The following MTA3 variants were observed in gnomAD, a reference collection of about 807,000 sequenced individuals.
MTA3 encodes metastasis-associated protein MTA3.
A neutral mutation model predicts 83.5 loss-of-function variants in MTA3; 34 were observed. The observed-to-expected ratio is 0.41, with a 90% CI of 0.31 to 0.54. The LOEUF is 0.54. MTA3 is among the 20% of genes least tolerant of loss of function. The pLI is 0.33. For missense variants in MTA3, 761 were observed against 726.4 expected (o/e 1.05, Z -0.55); for synonymous variants, 303 against 252.7 (o/e 1.20, Z -1.89).
chr2:42,534,176 G>A lies in MTA3; in HGVS notation c.-140-36261G>A, dbSNP rs527739275. 1.2e-4 allele frequency among the ~76,000 whole-genome samples: 18 copies of A among 152,286 alleles called. 1 individual carries two copies. The South Asian group carries it at 3.3e-3, about 28-fold the overall frequency. On this transcript the variant is annotated intron_variant, in intron 2 of 17. Transcript: ENST00000405592. The stretch of plus-strand genomic sequence containing the variant: ...CTAACATGTTCGGTAGGATTCTGAA[G>A]GTAGGGAGCAGATTTGCATAGAGCA...
At chr2:42,596,236 T>G (rs780621538) in intron 3 of MTA3, among the ~76,000 whole-genome samples, 1 of 152,246 alleles carries the variant, frequency 6.6e-6, no homozygotes, top group Non-Finnish European at 1.5e-5. Flanking sequence ...TAGACCTCAG[T>G]CAGCCTGCTA....
At chr2:42,639,725 G>T (rs1687532569) in intron 4 of MTA3, among the ~76,000 whole-genome samples, 7 of 152,124 alleles carry the variant, frequency 4.6e-5, no homozygotes, top group Admixed American at 3.3e-4. Flanking sequence ...CTTAAATGTA[G>T]TTAGTGGCTG....
At chr2:42,518,434 A>G (rs529163142) in intron 2 of MTA3, among the ~76,000 whole-genome samples, 1 of 152,374 alleles carries the variant, frequency 6.6e-6, no homozygotes, top group African/African-American at 2.4e-5. Flanking sequence ...ACCAACCGAA[A>G]GAGCTTCCCA....
rs1676896193 is a variant in MTA3, at chr2:42,548,831, T to TA, written c.-140-21605dup. On this transcript the variant is annotated intron_variant, in intron 2 of 17. Coordinates refer to the MTA3 transcript ENST00000405592. ...AAAAAATATATATATATATATATAA[T>TA]ATATATATATATATAATATATATAT... Among the ~76,000 whole-genome samples the TA allele has an allele frequency of 4.7e-4, 4 of 8,536 alleles. 1 individual carries two copies. Among genetic ancestry groups the TA allele is most frequent in the African/African-American group, 1.6e-3 (4 of 2,530 alleles). The allele number at this position is 8,536 out of a possible 152,430, so 5.6% of individuals were successfully genotyped here. A position where few individuals can be genotyped will look rare whatever the true frequency, so the allele number is the denominator to read the frequency against.
intron 4 of MTA3, among the ~76,000 whole-genome samples, chr2:42,624,627 CT>C (rs1175098894): frequency 8.1e-4 from 123 of 152,162 alleles, no homozygotes; most frequent in Non-Finnish European, 1.4e-3. Flanking sequence ...TGCCCAGCCT[CT>C]TTTTTTGTTT....
chr2:42,598,528 C>T (rs1038943909), intron 3 of MTA3, among the ~76,000 whole-genome samples: 1 of 152,028 alleles, frequency 6.6e-6, no homozygotes, highest in Admixed American at 6.6e-5. Flanking sequence ...TGGTTGAGTC[C>T]TTGGTTAGGT....
chr2:42,745,756 T>C (rs2104592914), intron 16 of MTA3, among the ~76,000 whole-genome samples: 1 of 151,576 alleles, frequency 6.6e-6, no homozygotes. Flanking sequence ...CTTTGCTTCA[T>C]ATATTAAAAA....
At chr2:42,539,712 G>C (rs1338820801) in intron 2 of MTA3, among the ~76,000 whole-genome samples, 2 of 150,652 alleles carry the variant, frequency 1.3e-5, no homozygotes, top group African/African-American at 2.4e-5. Flanking sequence ...CTCCTGAGTA[G>C]CTGGGACTAC....
At chr2:42,525,154 GC>G (rs1675629554) in intron 2 of MTA3, among the ~76,000 whole-genome samples, 2 of 149,488 alleles carry the variant, frequency 1.3e-5, no homozygotes, top group Admixed American at 1.3e-4. Context: ...GGTAGGTACA[GC>G]AAGTTTGTTT....
chr2:42,600,917 C>G (rs1466984409), intron 3 of MTA3, among the ~76,000 whole-genome samples: 1 of 150,516 alleles, frequency 6.6e-6, no homozygotes, highest in Non-Finnish European at 1.5e-5. Flanking sequence ...TTCTTTTTTT[C>G]TCTTTTTGAG....
chr2:42,524,114 T>C (rs1396674165), intron 2 of MTA3, among the ~76,000 whole-genome samples: 8 of 152,180 alleles, frequency 5.3e-5, no homozygotes, highest in Non-Finnish European at 8.8e-5. Context: ...AGCCAGGCTA[T>C]GCTGACCCTA....
chr2:42,645,550 CAAA>C (rs1341607037), intron 6 of MTA3, among the ~76,000 whole-genome samples: 5 of 151,848 alleles, frequency 3.3e-5, no homozygotes, highest in Non-Finnish European at 7.4e-5. Context: ...AACAAACAAA[CAAA>C]CAAACAAAAC....
intron 16 of MTA3, among the ~76,000 whole-genome samples, chr2:42,730,911 G>C (rs925039348): frequency 3.3e-5 from 5 of 152,002 alleles, no homozygotes; most frequent in African/African-American, 1.2e-4. Context: ...TTAGGTTTTG[G>C]ATTTCTTGAT....
At chr2:42,570,584 G>C (rs1168458011) in intron 2 of MTA3, 80 bp downstream of exon 2, 3 of 787,844 alleles carry the variant, frequency 3.8e-6, no homozygotes, top group Admixed American at 3.1e-5. Flanking sequence ...GGGTGGCCTG[G>C]TGTGGGGGCT....
intron 2 of MTA3, among the ~76,000 whole-genome samples, chr2:42,538,323 T>C (rs537215665): frequency 6.6e-6 from 1 of 152,250 alleles, no homozygotes; most frequent in South Asian, 2.1e-4. Context: ...TCGGTAAGTA[T>C]GGGTGATAGC....
chr2:42,605,911 G>A (rs1393673619), intron 3 of MTA3, among the ~76,000 whole-genome samples: 1 of 90,568 alleles, frequency 1.1e-5, no homozygotes, highest in Non-Finnish European at 2.3e-5. Context: ...CCCAGTAGGG[G>A]CGGCCGGGCA....
rs1167117095 is a variant in MTA3, at chr2:42,594,705, C to CATATAT, written c.191-14734_191-14729dup. On this transcript the variant is annotated intron_variant, in intron 3 of 16. Transcript: ENST00000405094. ...ATACATATATACATATATAAATATA[C>CATATAT]ATATATATATATATATATATATATT... is the stretch of plus-strand genomic sequence containing the variant. Among the ~76,000 whole-genome samples the CATATAT allele has an allele frequency of 2.8e-3, 130 of 46,410 alleles. 1 individual carries two copies. The highest frequency in any genetic ancestry group is 6.9e-3 in the East Asian group (12 of 1,738). The allele number at this position is 46,410 out of a possible 152,430, so 30.4% of individuals were successfully genotyped here. A position where few individuals can be genotyped will look rare whatever the true frequency, so the allele number is the denominator to read the frequency against.
chr2:42,724,398 C>G (rs1324436405), intron 16 of MTA3, among the ~76,000 whole-genome samples: 1 of 149,046 alleles, frequency 6.7e-6, no homozygotes, highest in South Asian at 2.1e-4. Flanking sequence ...GCTTGTAATC[C>G]CAACACTTTG....
intron 16 of MTA3, among the ~76,000 whole-genome samples, chr2:42,740,159 T>C (rs1200348266): frequency 6.6e-6 from 1 of 152,236 alleles, no homozygotes; most frequent in African/African-American, 2.4e-5. Context: ...AGAGGAATCA[T>C]TATCTATGGC....
Sources: allele counts gnomAD v4.1 joint callset (sites outside exome capture counted in the v4.1 genomes callset), GRCh38; gene constraint gnomAD v4.1.1; transcripts MANE v1.5; gene names NCBI Gene and HGNC (gene_info 2026-07-23, HGNC 2026-07-21).